SPIN1: variants seen among roughly 807,000 people sequenced by gnomAD.
SPIN1 encodes the protein spindlin-1.
Under a neutral mutation model 26.0 loss-of-function variants are expected in SPIN1, and 3 were observed. That is an observed-to-expected ratio of 0.12 (90% CI 0.05 to 0.30). The LOEUF is 0.30. SPIN1 is among the 10% of genes least tolerant of loss of function. The pLI is 1.00. For synonymous variants in SPIN1, 101 were observed against 116.5 expected (o/e 0.87, Z 0.86); for missense variants, 126 against 333.4 (o/e 0.38, Z 4.84).
At chr9:88,419,511 GA>G (rs1399317030) in intron 1 of SPIN1, among the ~76,000 whole-genome samples, 1 of 151,714 alleles carries the variant, frequency 6.6e-6, no homozygotes, top group African/African-American at 2.4e-5. Flanking sequence ...TTGCTGAGAA[GA>G]AAAAAAAGAA....
chr9:88,392,568 C>T (rs1435809058), intron 1 of SPIN1, among the ~76,000 whole-genome samples: 2 of 151,970 alleles, frequency 1.3e-5, no homozygotes, highest in African/African-American at 2.4e-5. Context: ...CCCCTTGTTA[C>T]CTGTCTCCTC....
At chr9:88,404,928 A>G (rs1230919192) in intron 1 of SPIN1, among the ~76,000 whole-genome samples, 1 of 97,668 alleles carries the variant, frequency 1.0e-5, no homozygotes, top group Non-Finnish European at 1.9e-5. Context: ...AAAAAAAAAA[A>G]ACAAAAAAAA....
chr9:88,402,742 C>T (rs1003025791), intron 1 of SPIN1, among the ~76,000 whole-genome samples: 2 of 152,114 alleles, frequency 1.3e-5, no homozygotes, highest in African/African-American at 4.8e-5. Context: ...TATATCTTTG[C>T]TTTTGTAAAT....
chr9:88,461,212 G>A (rs1489315663), intron 3 of SPIN1, among the ~76,000 whole-genome samples: 3 of 152,294 alleles, frequency 2.0e-5, no homozygotes, highest in East Asian at 3.9e-4. Flanking sequence ...AGTAAGGATT[G>A]TGTACTCAGA....
rs978619858 is a variant in SPIN1 at position 88,393,409 on chromosome 9, AAGG to A, written c.-159+4874_-159+4876del. 4.0e-5 allele frequency among the ~76,000 whole-genome samples: 6 copies of A among 150,354 alleles called. No individual in the cohort carries two copies. The East Asian group carries it at 9.7e-4, about 24-fold the overall frequency. The stretch of plus-strand genomic sequence containing the variant: ...TGTTGCTTAACCTGACACAGGCAAT[AAGG>A]AGAGAAAAGAATGTCCTTTTTCTTG... On this transcript the variant is annotated intron_variant, in intron 1 of 5. Transcript: ENST00000375859.
intron 1 of SPIN1, among the ~76,000 whole-genome samples, chr9:88,402,965 GTTGT>G (rs1315043311): frequency 6.6e-6 from 1 of 152,074 alleles, no homozygotes; most frequent in Non-Finnish European, 1.5e-5. Flanking sequence ...GCCATCTTCT[GTTGT>G]TTGTGTTTTT....
At chr9:88,388,939 G>T (rs1826852981) in intron 1 of SPIN1, among the ~76,000 whole-genome samples, 1 of 151,186 alleles carries the variant, frequency 6.6e-6, no homozygotes, top group Non-Finnish European at 1.5e-5. Context: ...GGCGCGGGGA[G>T]GGGGCGCTGC....
intron 2 of SPIN1, among the ~76,000 whole-genome samples, chr9:88,435,294 C>T (rs1357934037): frequency 6.6e-6 from 1 of 151,682 alleles, no homozygotes; most frequent in East Asian, 2.0e-4. Flanking sequence ...TGGTTCACTG[C>T]AGCCTCGACC....
chr9:88,446,096 A>G (rs1001098898), intron 2 of SPIN1, among the ~76,000 whole-genome samples: 3 of 152,094 alleles, frequency 2.0e-5, no homozygotes, highest in African/African-American at 7.2e-5. Context: ...ATAATTAAGT[A>G]TAATTATGGA....
At chr9:88,399,316 G>A (rs1010000565) in intron 1 of SPIN1, among the ~76,000 whole-genome samples, 3 of 152,226 alleles carry the variant, frequency 2.0e-5, no homozygotes, top group Admixed American at 6.5e-5. Flanking sequence ...ACAGGCGTGA[G>A]CCACCGTGCC....
chr9:88,400,792 C>G (rs1232691264), intron 1 of SPIN1, among the ~76,000 whole-genome samples: 1 of 151,524 alleles, frequency 6.6e-6, no homozygotes, highest in Non-Finnish European at 1.5e-5. Context: ...TTGCAGTGAG[C>G]CAAGATCATG....
chr9:88,439,444 G>C (rs925675762), intron 2 of SPIN1, among the ~76,000 whole-genome samples: 2 of 149,750 alleles, frequency 1.3e-5, no homozygotes, highest in Non-Finnish European at 2.9e-5. Context: ...ATTACTTTCA[G>C]GGGGTATATA....
rs745995139 is a variant in SPIN1, at chr9:88,448,896, T to A, written c.53-45T>A. The A allele has an allele frequency of 1.9e-6, 3 of 1,588,992 alleles. No homozygotes were observed. In the East Asian group the frequency reaches 6.7e-5, roughly 36 times the overall value. On this transcript the variant is annotated intron_variant, in intron 2 of 5. Coordinates refer to ENST00000375859, the MANE Select transcript of SPIN1 (RefSeq NM_006717.3). ...TAAGATTTCCTGCATTCTGAGGTAT[T>A]CTTTTATCTGGTTTTCATTGACTAT...
intron 5 of SPIN1, among the ~76,000 whole-genome samples, chr9:88,471,488 C>G (rs1205737606): frequency 2.0e-5 from 3 of 151,636 alleles, no homozygotes; most frequent in African/African-American, 7.3e-5. Context: ...CACGGGGAAA[C>G]CCTGTCTCTA....
At chr9:88,462,386 A>G in intron 3 of SPIN1, 110 bp from the exon 4 acceptor site, 1 of 1,431,318 alleles carries the variant, frequency 7.0e-7, no homozygotes, top group Non-Finnish European at 9.4e-7. Flanking sequence ...ATGAGTTTGT[A>G]CATATTTTGG....
At chr9:88,445,562 T>TATTATA (rs1491504001) in intron 2 of SPIN1, among the ~76,000 whole-genome samples, 14 of 140,822 alleles carry the variant, frequency 9.9e-5, no homozygotes, top group South Asian at 4.4e-4. Context: ...TTATTATTAT[T>TATTATA]ATATTGAGAT....
At chr9:88,408,368 C>CT (rs1479633766) in intron 1 of SPIN1, among the ~76,000 whole-genome samples, 3 of 131,876 alleles carry the variant, frequency 2.3e-5, no homozygotes, top group Admixed American at 7.4e-5. Context: ...TTTTCTTTTC[C>CT]TTTTTTTCTT....
At chr9:88,433,248 A>AT (rs1827919913) in intron 2 of SPIN1, among the ~76,000 whole-genome samples, 1 of 151,238 alleles carries the variant, frequency 6.6e-6, no homozygotes, top group Non-Finnish European at 1.5e-5. Context: ...CGCCCTGCTA[A>AT]TTTTTGTATT....
Position 88,462,815 on chromosome 9 carries a change from T to A in SPIN1, c.355+66T>A, listed in dbSNP as rs555366019. On this transcript the variant is annotated intron_variant, in intron 4 of 5. Transcript: ENST00000375859. ...ATGATATTGAACTGGATGCTTTTTT[T>A]ATTTTACATTATTAATACTTCACTT... 2.1e-5 allele frequency: 31 copies of A among 1,457,382 alleles called. No homozygotes were observed. In the African/African-American group the frequency reaches 3.1e-4, roughly 15 times the overall value. 90.3% of individuals were successfully genotyped at this position (1,457,382 alleles called of 1,614,324 possible).
Sources: gnomAD v4.1 joint callset for allele counts (sites outside exome capture counted in the v4.1 genomes callset) on GRCh38, gnomAD v4.1.1 for gene constraint, MANE v1.5 for transcripts, NCBI Gene and HGNC (gene_info 2026-07-23, HGNC 2026-07-21) for gene names.